Variants in AGBL1 observed in about 807,000 individuals in gnomAD.
AGBL1 encodes the protein cytosolic carboxypeptidase 4.
In AGBL1, 130 loss-of-function variants were observed where a neutral mutation model predicts 118.9. The ratio of observed to expected loss-of-function variants is 1.09; its 90% CI spans 0.95 to 1.26. The LOEUF (loss-of-function observed/expected upper bound fraction) is 1.26, where lower values mean the gene tolerates loss of function less well. Ranked by LOEUF, AGBL1 falls within the 50% of genes most tolerant of loss-of-function variation. AGBL1 has a pLI of 0.00. For synonymous variants in AGBL1, 555 were observed against 478.9 expected, an observed-to-expected ratio of 1.16 and a Z score of -2.08; for missense variants, 1,584 against 1,298.1, an observed-to-expected ratio of 1.22 and a Z score of -3.38.
chr15:86,110,884 C>T (rs1897339389), intron 1 of AGBL1, among the ~76,000 whole-genome samples: 1 of 152,162 alleles, frequency 6.6e-6, no homozygotes, highest in Non-Finnish European at 1.5e-5. Flanking sequence ...TCCCTTTCTC[C>T]TCCAGCAGAG....
At chr15:86,380,539 G>A (rs1206270862) in intron 17 of AGBL1, among the ~76,000 whole-genome samples, 12 of 107,342 alleles carry the variant, frequency 1.1e-4, no homozygotes, top group Admixed American at 5.0e-4. Flanking sequence ...TCCCTTCCTC[G>A]CTTCCTTCCT....
At chr15:86,453,790 C>A (rs986162174) in intron 18 of AGBL1, among the ~76,000 whole-genome samples, 1 of 151,992 alleles carries the variant, frequency 6.6e-6, no homozygotes, top group South Asian at 2.1e-4. Flanking sequence ...ATAAAAGCAC[C>A]GACAAAACCC....
intron 18 of AGBL1, among the ~76,000 whole-genome samples, chr15:86,419,800 A>T (rs986989797): frequency 6.6e-6 from 1 of 152,074 alleles, no homozygotes; most frequent in Non-Finnish European, 1.5e-5. Flanking sequence ...GCCATTACTG[A>T]GACTGGAGTA....
intron 22 of AGBL1, among the ~76,000 whole-genome samples, chr15:86,883,011 A>T (rs547484458): frequency 6.6e-6 from 1 of 152,318 alleles, no homozygotes; most frequent in African/African-American, 2.4e-5. Flanking sequence ...GGAGTTGCAG[A>T]GTTGCTTGGT....
intron 18 of AGBL1, among the ~76,000 whole-genome samples, chr15:86,474,725 T>C (rs111889379): frequency 3.3e-5 from 5 of 152,274 alleles, no homozygotes; most frequent in African/African-American, 1.2e-4. Context: ...TTGAAGACAG[T>C]AGTGGTTCTC....
At position 86,392,891 on chromosome 15, in the gene AGBL1, C is replaced by T. The variant is rs527417058; in HGVS notation, c.2375-4475C>T. On this transcript the variant is annotated intron_variant, in intron 17 of 22. Coordinates refer to ENST00000614907, the MANE Select transcript of AGBL1 (RefSeq NM_001386094.1). The stretch of plus-strand genomic sequence containing the variant: ...CTTTTTGCCTGACCCTAAGCAGACA[C>T]GAGTTACTAAGACTGAGATTGTCAA... Among the ~76,000 whole-genome samples the T allele has an allele frequency of 1.6e-3, 247 of 152,222 alleles. 8 individuals carry two copies. The South Asian group carries it at 0.047, about 29-fold the overall frequency.
At chr15:86,446,601 C>T (rs1353402336) in intron 18 of AGBL1, among the ~76,000 whole-genome samples, 1 of 152,174 alleles carries the variant, frequency 6.6e-6, no homozygotes, top group Non-Finnish European at 1.5e-5. Flanking sequence ...TATCGAATCT[C>T]TCTTTGTGAT....
In AGBL1 at chr15:86,620,740, G is replaced by C. The variant is rs376717224; in HGVS notation, c.2995-53533G>C. Among the ~76,000 whole-genome samples the C allele has an allele frequency of 2.0e-3, 298 of 152,178 alleles. 1 individual carries two copies. Among genetic ancestry groups the C allele is most frequent in the African/African-American group, 7.0e-3 (289 of 41,536 alleles). On this transcript the variant is annotated intron_variant, in intron 21 of 22. Coordinates refer to ENST00000614907, the MANE Select transcript of AGBL1 (RefSeq NM_001386094.1). ...TCTTCTCATTAGAGCCTCGTAAAAA[G>C]GGACTTTGCAACCTGCCAGCTATGT...
At chr15:86,161,901 C>T (rs1418904494) in intron 5 of AGBL1, among the ~76,000 whole-genome samples, 1 of 152,178 alleles carries the variant, frequency 6.6e-6, no homozygotes, top group African/African-American at 2.4e-5. Context: ...GCATGAATGT[C>T]AAGTCTTACC....
At chr15:86,748,234 G>T (rs1850152995) in intron 22 of AGBL1, among the ~76,000 whole-genome samples, 1 of 152,188 alleles carries the variant, frequency 6.6e-6, no homozygotes, top group African/African-American at 2.4e-5. Context: ...GGCCAGTGAT[G>T]ATGAGCATTT....
intron 11 of AGBL1, among the ~76,000 whole-genome samples, chr15:86,265,542 G>C (rs951292618): frequency 6.6e-6 from 1 of 152,196 alleles, no homozygotes; most frequent in Non-Finnish European, 1.5e-5. Context: ...AAAGTGGGCA[G>C]ACCAGAAAGT....
At position 87,000,432 on chromosome 15, in the gene AGBL1, A is replaced by G. The variant is rs1243306011; in HGVS notation, c.3323+12344A>G. ...AGGTGTAAGGAAGGGATCCAGTTTC[A>G]GCTTTCTACATATGGCTAGCCAGTT... On this transcript the variant is annotated intron_variant, in intron 24 of 24. Coordinates refer to the AGBL1 transcript ENST00000441037. Among the ~76,000 whole-genome samples, 3 of 126,426 alleles carry G rather than the reference A, an allele frequency of 2.4e-5. No individual in the cohort carries two copies. The East Asian group carries it at 6.4e-4, about 27-fold the overall frequency. The allele number at this position is 126,426 out of a possible 152,430, so 82.9% of individuals were successfully genotyped here.
At chr15:86,828,915 TA>T (rs2079067498) in intron 22 of AGBL1, among the ~76,000 whole-genome samples, 1 of 1,688 alleles carries the variant, frequency 5.9e-4, no homozygotes, top group Non-Finnish European at 1.5e-3. Context: ...AGTTCAAAAG[TA>T]TATATATATA....
At chr15:86,134,602 GCCTTTTTTT>G (rs1567076422) in intron 1 of AGBL1, among the ~76,000 whole-genome samples, 2 of 127,016 alleles carry the variant, frequency 1.6e-5, no homozygotes, top group African/African-American at 3.0e-5. Flanking sequence ...GATCAATGGT[GCCTTTTTTT>G]TTTTTTTTTT....
At chr15:86,270,515 G>A (rs186086062) in intron 14 of AGBL1, among the ~76,000 whole-genome samples, 1 of 152,270 alleles carries the variant, frequency 6.6e-6, no homozygotes, top group African/African-American at 2.4e-5. Context: ...TTTTGGAGGA[G>A]ATATTCAAGA....
intron 17 of AGBL1, among the ~76,000 whole-genome samples, chr15:86,321,581 C>T (rs1047660248): frequency 3.3e-5 from 5 of 150,290 alleles, no homozygotes; most frequent in African/African-American, 7.4e-5. Flanking sequence ...CCAGGCTGAC[C>T]GACATGGCAA....
intron 22 of AGBL1, among the ~76,000 whole-genome samples, chr15:86,769,909 G>T (rs933607371): frequency 6.6e-6 from 1 of 151,978 alleles, no homozygotes; most frequent in East Asian, 1.9e-4. Context: ...AAAGATGACT[G>T]GGTTCTAGTG....
chr15:86,140,348 G>C (rs368868561), intron 1 of AGBL1: 3 of 151,930 alleles, frequency 2.0e-5, no homozygotes, highest in South Asian at 2.1e-4. Context: ...CCCTGGGGAG[G>C]CTTAAGGCTG....
rs1311811556 is a variant in AGBL1 at position 86,391,101 on chromosome 15, A to G, written c.2375-6265A>G. Among the ~76,000 whole-genome samples the G allele has an allele frequency of 2.0e-5, 3 of 151,966 alleles. No individual in the cohort carries two copies. In the East Asian group the frequency reaches 5.8e-4, roughly 29 times the overall value. On this transcript the variant is annotated intron_variant, in intron 17 of 22. Transcript: ENST00000614907. ...TTGCCTGCAAAGTGAAATGAGGAGA[A>G]TATCGGAGATGACAATAATAATTTT... is the stretch of plus-strand genomic sequence containing the variant.
Sources: allele counts gnomAD v4.1 joint callset (sites outside exome capture counted in the v4.1 genomes callset), GRCh38; gene constraint gnomAD v4.1.1; transcripts MANE v1.5; gene names NCBI Gene and HGNC (gene_info 2026-07-23, HGNC 2026-07-21).